Variants in PCDHGA3 observed in about 807,000 individuals in gnomAD.
The protein encoded by PCDHGA3 is protocadherin gamma-A3.
Under a neutral mutation model 58.5 loss-of-function variants are expected in PCDHGA3, and 40 were observed. The observed-to-expected ratio is 0.68, with a 90% CI of 0.53 to 0.89. PCDHGA3 has a LOEUF of 0.89. Among genes scored for constraint, PCDHGA3 ranks in the 40% least tolerant of loss-of-function variants. PCDHGA3 has a pLI of 0.00. For synonymous variants in PCDHGA3, 530 were observed against 525.7 expected, an observed-to-expected ratio of 1.01 and a Z score of -0.11; for missense variants, 1,223 against 1,195.9, an observed-to-expected ratio of 1.02 and a Z score of -0.33.
chr5:141,480,429 T>A (rs72790066), intron 1 of PCDHGA3, among the ~76,000 whole-genome samples: 9,317 of 151,926 alleles, frequency 0.061, 335 homozygotes, highest in South Asian at 0.12. Context: ...AAAAAAATTA[T>A]CAGCTATTAC....
intron 3 of PCDHGA3, among the ~76,000 whole-genome samples, chr5:141,509,791 C>T (rs2099878284): frequency 6.6e-6 from 1 of 152,164 alleles, no homozygotes; most frequent in Non-Finnish European, 1.5e-5. Flanking sequence ...TCATCATCTC[C>T]TCAGCTTCAT....
At chr5:141,426,013 T>C (rs2096909409) in intron 1 of PCDHGA3, among the ~76,000 whole-genome samples, 1 of 152,144 alleles carries the variant, frequency 6.6e-6, no homozygotes, top group Admixed American at 6.5e-5. Flanking sequence ...CCGGCTGCAG[T>C]TTTCTAAATA....
rs561499055 is a variant in PCDHGA3 at position 141,423,745 on chromosome 5, C to G, written c.2425-71062C>G. 10 of 605,688 alleles carry G rather than the reference C, an allele frequency of 1.7e-5. No individual in the cohort carries two copies. The East Asian group carries it at 3.1e-4, about 19-fold the overall frequency. The allele number at this position is 605,688 out of a possible 1,614,324, so 37.5% of individuals were successfully genotyped here. A position where few individuals can be genotyped will look rare whatever the true frequency, so the allele number is the denominator to read the frequency against. The stretch of plus-strand genomic sequence containing the variant: ...ATGTTTTTTGAGCCTGTTATGAAAA[C>G]TGTTTGGGGGGGGGGTGGGGCGGCA... On this transcript the variant is annotated intron_variant, in intron 1 of 3. Coordinates refer to ENST00000253812, the MANE Select transcript of PCDHGA3 (RefSeq NM_018916.4).
chr5:141,407,471 A>G (rs1343289603), intron 1 of PCDHGA3, among the ~76,000 whole-genome samples: 1 of 146,104 alleles, frequency 6.8e-6, no homozygotes, highest in African/African-American at 2.5e-5. Context: ...AGATGACTGA[A>G]TGGAGTATGG....
At chr5:141,384,945 C>T in intron 1 of PCDHGA3, 2 of 1,614,120 alleles carry the variant, frequency 1.2e-6, no homozygotes, top group Non-Finnish European at 1.7e-6. Context: ...AGCCCTCCGA[C>T]GGTCCTTACA....
At chr5:141,365,003 A>C (rs1292135798) in intron 1 of PCDHGA3, 1 of 1,613,774 alleles carries the variant, frequency 6.2e-7, no homozygotes, top group Non-Finnish European at 8.5e-7. Context: ...ACTCTCCGGC[A>C]CCACGCACAT....
At position 141,343,906 on chromosome 5, in the gene PCDHGA3, C is replaced by G. The variant is rs1279662947; in HGVS notation, c.-128C>G. 5.7e-6 allele frequency: 5 copies of G among 870,304 alleles called. No homozygotes were observed. In the African/African-American group the frequency reaches 6.8e-5, roughly 12 times the overall value. The allele number at this position is 870,304 out of a possible 1,614,324, so 53.9% of individuals were successfully genotyped here. On this transcript the variant is annotated 5_prime_UTR_variant, in exon 1 of 4. Coordinates refer to ENST00000253812, the MANE Select transcript of PCDHGA3 (RefSeq NM_018916.4). Reference sequence around the variant, plus strand: ...TCCGGGGCGGCTGCCAACCTCACCTCTTAGTCAACCAGCTGTTTGACCTGT... The same window carrying G: ...TCCGGGGCGGCTGCCAACCTCACCTGTTAGTCAACCAGCTGTTTGACCTGT...
At chr5:141,449,920 A>G (rs1287640011) in intron 1 of PCDHGA3, among the ~76,000 whole-genome samples, 1 of 151,842 alleles carries the variant, frequency 6.6e-6, no homozygotes, top group East Asian at 1.9e-4. Context: ...TTTAAATTCT[A>G]CCATACCTTA....
intron 1 of PCDHGA3, chr5:141,422,319 TAC>T: frequency 6.5e-7 from 1 of 1,548,220 alleles, no homozygotes; most frequent in Admixed American, 2.1e-5. Flanking sequence ...CTCCTCCAGG[TAC>T]AGTGATTGCT....
chr5:141,365,732 G>A (rs780327572), intron 1 of PCDHGA3: 2 of 1,613,574 alleles, frequency 1.2e-6, no homozygotes, highest in Non-Finnish European at 8.5e-7. Flanking sequence ...CAATCCCAGA[G>A]GTGTCTCTAT....
rs777111805 is a variant in PCDHGA3, at chr5:141,395,298, GT to G, written c.2424+48845del. On this transcript the variant is annotated intron_variant, in intron 1 of 3. Coordinates refer to ENST00000253812, the MANE Select transcript of PCDHGA3 (RefSeq NM_018916.4). ...ATGAATTTTATTTGGCATAAATTAT[GT>G]TTTGAAAAACATTGTGAAGATAGTT... 6 of 1,522,174 alleles carry G rather than the reference GT, an allele frequency of 3.9e-6. No homozygotes were observed. The East Asian group carries it at 9.1e-5, about 23-fold the overall frequency. The allele number at this position is 1,522,174 out of a possible 1,614,324, so 94.3% of individuals were successfully genotyped here.
chr5:141,384,210 C>T (rs1298573358), intron 1 of PCDHGA3: 2 of 1,613,886 alleles, frequency 1.2e-6, no homozygotes, highest in South Asian at 1.1e-5. Flanking sequence ...GGGAAACTCA[C>T]ATATTCATGC....
In PCDHGA3 at chr5:141,490,052, A is replaced by G. The variant is rs774710472; in HGVS notation, c.2425-4755A>G. 11 of 1,614,098 alleles carry G rather than the reference A, an allele frequency of 6.8e-6. No homozygotes were observed. The highest frequency in any genetic ancestry group is 9.3e-6 in the Non-Finnish European group (11 of 1,180,014). On this transcript the variant is annotated intron_variant, in intron 1 of 3. Transcript: ENST00000253812. The surrounding 1 kb of genome is among the most constrained non-coding windows in gnomAD (Gnocchi z 5.4). ...CGCCTCAATGCCACTGATCCAGACG[A>G]GGGCACCAACGGCCAACTAGACTAT... is the stretch of plus-strand genomic sequence containing the variant.
chr5:141,505,436 T>C lies in PCDHGA3; in HGVS notation c.2527T>C (p.Phe843Leu). 1.2e-6 allele frequency: 2 copies of C among 1,614,118 alleles called. No homozygotes were observed. The highest frequency in any genetic ancestry group is 1.7e-6 in the Non-Finnish European group (2 of 1,179,998). ...DDTGTWPNNQ[F>L]DTEMLQAMIL... is the part of the protein sequence containing the mutation. ...CACCGGCACCTGGCCCAACAACCAG[T>C]TTGACACAGAGATGCTGCAAGCCAT... Residue 843 changes from phenylalanine (F) to leucine (L), a missense_variant, in exon 3 of 4, where the codon TTT becomes CTT. Phe to Leu is a conservative substitution (Grantham distance 22). Around this residue, in one of 3 missense-constraint regions of PCDHGA3, gnomAD observed 325 missense variants for 327.5 expected, o/e 0.99. Coordinates refer to ENST00000253812, the MANE Select transcript of PCDHGA3 (RefSeq NM_018916.4).
At chr5:141,371,745 G>T (rs767038146) in intron 1 of PCDHGA3, 2 of 1,614,002 alleles carry the variant, frequency 1.2e-6, no homozygotes, top group South Asian at 2.2e-5. Flanking sequence ...CAACGTTCCC[G>T]TTTTCCACCA....
At chr5:141,385,020 C>A (rs1780771634) in intron 1 of PCDHGA3, 7 of 1,614,168 alleles carry the variant, frequency 4.3e-6, no homozygotes, top group Non-Finnish European at 5.9e-6. Flanking sequence ...TCCTAGCCTT[C>A]GTCCTCGTAC....
chr5:141,441,739 C>T, intron 1 of PCDHGA3: 1 of 365,272 alleles, frequency 2.7e-6, no homozygotes, highest in South Asian at 2.2e-5. Context: ...GACTAGCTCG[C>T]GCTCGGCGTC....
chr5:141,443,478 C>T (rs2098390426), intron 1 of PCDHGA3, among the ~76,000 whole-genome samples: 1 of 152,052 alleles, frequency 6.6e-6, no homozygotes, highest in East Asian at 1.9e-4. Context: ...AGAATTAGAC[C>T]CTGTCCCAAA....
chr5:141,460,987 A>G (rs201722325), intron 1 of PCDHGA3, among the ~76,000 whole-genome samples: 34 of 92,988 alleles, frequency 3.7e-4, no homozygotes, highest in Middle Eastern at 5.0e-3. Flanking sequence ...GTGTGTGTAT[A>G]TATATATATG....
Sources: allele counts gnomAD v4.1 joint callset (sites outside exome capture counted in the v4.1 genomes callset), GRCh38; gene constraint gnomAD v4.1.1; regional missense constraint gnomAD v4.1.1; non-coding constraint Gnocchi (gnomAD v3.1); transcripts MANE v1.5; gene names NCBI Gene and HGNC (gene_info 2026-07-23, HGNC 2026-07-21).